UBE2G2: variants seen among roughly 807,000 people sequenced by gnomAD.
UBE2G2 encodes ubiquitin-conjugating enzyme E2 G2.
Under a neutral mutation model 23.0 loss-of-function variants are expected in UBE2G2, and 10 were observed. The ratio of observed to expected loss-of-function variants is 0.43; its 90% CI spans 0.27 to 0.74. UBE2G2 has a LOEUF of 0.74. UBE2G2 is among the 30% of genes least tolerant of loss of function. The probability of loss-of-function intolerance (pLI) is 0.19; values close to 1 mark genes in which losing one functional copy is unlikely to be tolerated. For synonymous variants in UBE2G2, 86 were observed against 81.3 expected (o/e 1.06, Z -0.31); for missense variants, 150 against 218.3 (o/e 0.69, Z 1.97).
intron 3 of UBE2G2, among the ~76,000 whole-genome samples, chr21:44,783,953 G>C (rs117818029): frequency 0.01 from 1,528 of 152,264 alleles, 15 homozygotes; most frequent in Non-Finnish European, 0.015. Flanking sequence ...CCAGGAGTTC[G>C]AGACCAGCCT....
At chr21:44,801,530 G>T (rs1044842153) in intron 1 of UBE2G2, 176 bp downstream of exon 1, 1 of 1,119,628 alleles carries the variant, frequency 8.9e-7, no homozygotes, top group Middle Eastern at 3.2e-4. Context: ...GACTTCACGC[G>T]TGAGAGTGGG....
rs782754930 is a variant in UBE2G2 at position 44,768,656 on chromosome 21, C to T, written c.*2721G>A. 20 of 152,362 alleles carry T rather than the reference C, an allele frequency of 1.3e-4. No homozygotes were observed. Among genetic ancestry groups the T allele is most frequent in the East Asian group, 5.8e-4 (3 of 5,188 alleles). The allele number at this position is 152,362 out of a possible 1,614,324, so 9.4% of individuals were successfully genotyped here. On this transcript the variant is annotated 3_prime_UTR_variant, in exon 6 of 6. Transcript: ENST00000345496. The stretch of plus-strand genomic sequence containing the variant: ...AGAGGCAGGTCTCATCGCAACCAAC[C>T]GTGACCACAGAGGACCACAGAGGAG...
At chr21:44,777,683 CTGTAA>C (rs2082923588) in intron 3 of UBE2G2, among the ~76,000 whole-genome samples, 1 of 152,130 alleles carries the variant, frequency 6.6e-6, no homozygotes, top group African/African-American at 2.4e-5. Context: ...TGGCGCATGA[CTGTAA>C]TCCCAGCTAC....
rs555880426 is a variant in UBE2G2 at position 44,772,624 on chromosome 21, G to C, written c.385+923C>G. Among the ~76,000 whole-genome samples, 1 of 152,090 alleles carries C rather than the reference G, an allele frequency of 6.6e-6. No homozygotes were observed. The highest frequency in any genetic ancestry group is 1.9e-4 in the East Asian group (1 of 5,174). On this transcript the variant is annotated intron_variant, in intron 5 of 5. Transcript: ENST00000345496. This position sits in a 1 kb window ranked among gnomAD's most constrained non-coding sequence, Gnocchi z 5.4. Reference sequence around the variant, plus strand: ...CGTGTCTGACCCCCTTTTGTGGATGGAGGCCCCTTGTCCCACACACCTCAA... The same window carrying C: ...CGTGTCTGACCCCCTTTTGTGGATGCAGGCCCCTTGTCCCACACACCTCAA...
rs528340003 is a variant in UBE2G2, at chr21:44,781,604, T to C, written c.126-4187A>G. Reference sequence around the variant, plus strand: ...AAGAGGACGAGGCTGTAAGAAGCCGTGATTTGGGGAAGTGCCTTCCTGCAC... The same window carrying C: ...AAGAGGACGAGGCTGTAAGAAGCCGCGATTTGGGGAAGTGCCTTCCTGCAC... On this transcript the variant is annotated intron_variant, in intron 3 of 5. Transcript: ENST00000345496. Among the ~76,000 whole-genome samples the C allele has an allele frequency of 2.0e-5, 3 of 152,288 alleles. No homozygotes were observed. In the South Asian group the frequency reaches 6.2e-4, roughly 32 times the overall value.
intron 1 of UBE2G2, 113 bp from the exon 2 acceptor site, chr21:44,788,208 A>T: frequency 2.0e-6 from 2 of 1,007,250 alleles, no homozygotes; most frequent in Non-Finnish European, 2.8e-6. Context: ...TATGCATATT[A>T]ACAAGTGAAA....
At chr21:44,793,887 T>C (rs2083064813) in intron 1 of UBE2G2, among the ~76,000 whole-genome samples, 1 of 152,216 alleles carries the variant, frequency 6.6e-6, no homozygotes, top group East Asian at 1.9e-4. Flanking sequence ...TAAAAAGAAC[T>C]TGAGTGTCTA....
intron 1 of UBE2G2, among the ~76,000 whole-genome samples, chr21:44,794,808 C>G (rs1300270981): frequency 3.3e-5 from 5 of 152,196 alleles, no homozygotes; most frequent in Admixed American, 6.5e-5. Flanking sequence ...GCTGGGATTA[C>G]AGGCGTGAGC....
Position 44,773,571 on chromosome 21 carries a change from G to C in UBE2G2, c.361C>G (p.Leu121Val). 6.2e-7 allele frequency: 1 copy of C among 1,610,358 alleles called. No homozygotes were observed. Among genetic ancestry groups the C allele is most frequent in the Non-Finnish European group, 8.5e-7 (1 of 1,179,882 alleles). The change falls in exon 5 of 6, where the codon CTG becomes GTG. Residue 121 changes from leucine to valine, a missense_variant. Transcript: ENST00000345496. ...CCTGCCAGCATGCTCACCACCGACAGCAGGATCTTCTCCACACTCTGCACA... is the reference window on the plus strand; with the variant it reads ...CCTGCCAGCATGCTCACCACCGACACCAGGATCTTCTCCACACTCTGCACA... ...SPVQSVEKIL[L>V]SVVSMLAEPN...
At chr21:44,779,434 C>A (rs1022913725) in intron 3 of UBE2G2, among the ~76,000 whole-genome samples, 1 of 151,970 alleles carries the variant, frequency 6.6e-6, no homozygotes, top group African/African-American at 2.4e-5. Context: ...GGAACGCCAC[C>A]GAGGGAGGCA....
At chr21:44,784,591 T>G (rs539682422) in intron 3 of UBE2G2, among the ~76,000 whole-genome samples, 2 of 152,128 alleles carry the variant, frequency 1.3e-5, no homozygotes, top group Admixed American at 6.6e-5. Flanking sequence ...CCTGTGACAG[T>G]CTTCAGTCAA....
intron 1 of UBE2G2, among the ~76,000 whole-genome samples, chr21:44,798,162 T>A (rs1480600434): frequency 3.9e-5 from 6 of 152,178 alleles, no homozygotes; most frequent in African/African-American, 7.2e-5. Context: ...TCTCAAAAAA[T>A]AAATAAATAA....
chr21:44,771,511 T>C lies in UBE2G2; in HGVS notation c.386-22A>G, dbSNP rs782180492. The C allele has an allele frequency of 3.1e-6, 5 of 1,606,460 alleles. No individual in the cohort carries two copies. Among genetic ancestry groups the C allele is most frequent in the Non-Finnish European group, 4.2e-6 (5 of 1,178,816 alleles). On this transcript the variant is annotated intron_variant, in intron 5 of 5. Transcript: ENST00000345496. The surrounding 1 kb of genome is among the most constrained non-coding windows in gnomAD (Gnocchi z 4.6). ...GGCTCTGAAAGAAAAGGGAACACCCTCCATGTAAAAGGGAGTCTTATACGT... is the reference window on the plus strand; with the variant it reads ...GGCTCTGAAAGAAAAGGGAACACCCCCCATGTAAAAGGGAGTCTTATACGT...
rs376127176 is a variant in UBE2G2, at chr21:44,770,420, T to C, written c.*957A>G. On this transcript the variant is annotated 3_prime_UTR_variant, in exon 6 of 6. Transcript: ENST00000345496. ...GTCTGTCCTTGTGATCAGCAATAAA[T>C]TTCTTTTTTCTTTTTGAGACTGAGT... 6.6e-6 allele frequency: 1 copy of C among 152,174 alleles called. No individual in the cohort carries two copies. The highest frequency in any genetic ancestry group is 1.9e-4 in the East Asian group (1 of 5,202). 9.4% of individuals were successfully genotyped at this position (152,174 alleles called of 1,614,324 possible). A position where few individuals can be genotyped will look rare whatever the true frequency, so the allele number is the denominator to read the frequency against.
intron 3 of UBE2G2, among the ~76,000 whole-genome samples, chr21:44,781,292 G>A (rs1308760716): frequency 5.9e-5 from 9 of 152,200 alleles, no homozygotes; most frequent in African/African-American, 2.2e-4. Context: ...TTACGCTACA[G>A]AATCGACAGA....
chr21:44,791,165 G>A (rs774787464), intron 1 of UBE2G2, among the ~76,000 whole-genome samples: 6 of 152,030 alleles, frequency 3.9e-5, no homozygotes, highest in Non-Finnish European at 7.4e-5. Flanking sequence ...AAGAAAGCAG[G>A]GAATAAAAGT....
intron 1 of UBE2G2, among the ~76,000 whole-genome samples, chr21:44,795,761 G>GTTT (rs60695771): frequency 2.6e-5 from 4 of 151,704 alleles, no homozygotes; most frequent in African/African-American, 7.3e-5. Context: ...GAGGAAAACT[G>GTTT]GCCGTTTCTT....
In UBE2G2 at chr21:44,797,962, G is replaced by A. The variant is rs377628058; in HGVS notation, c.43+3744C>T. Among the ~76,000 whole-genome samples the A allele has an allele frequency of 4.3e-4, 65 of 152,032 alleles. 1 individual carries two copies. Among genetic ancestry groups the A allele is most frequent in the African/African-American group, 1.1e-3 (46 of 41,472 alleles). On this transcript the variant is annotated intron_variant, in intron 1 of 5. Coordinates refer to ENST00000345496, the MANE Select transcript of UBE2G2 (RefSeq NM_003343.6). ...TCAGAATCAAAATGGAGTCACTTTC[G>A]CCAAACCCTGACAACATAGAGGGAG...
intron 4 of UBE2G2, chr21:44,774,507 C>A: frequency 4.1e-6 from 1 of 246,106 alleles, no homozygotes; most frequent in Admixed American, 5.8e-5. Context: ...ATTTAACTCA[C>A]CTGAGTTAAT....
Sources: allele counts gnomAD v4.1 joint callset (sites outside exome capture counted in the v4.1 genomes callset), GRCh38; gene constraint gnomAD v4.1.1; non-coding constraint Gnocchi (gnomAD v3.1); transcripts MANE v1.5; gene names NCBI Gene and HGNC (gene_info 2026-07-23, HGNC 2026-07-21).